KCNQ2: variants seen among roughly 807,000 people sequenced by gnomAD.
KCNQ2 encodes the protein potassium voltage-gated channel subfamily Q member 2.
In KCNQ2, 14 loss-of-function variants were observed where a neutral mutation model predicts 84.8. The observed-to-expected ratio is 0.17, with a 90% CI of 0.11 to 0.26. The LOEUF (loss-of-function observed/expected upper bound fraction) is 0.26, where lower values mean the gene tolerates loss of function less well. KCNQ2 is among the 10% of genes least tolerant of loss of function. The probability of loss-of-function intolerance (pLI) is 1.00; values close to 1 mark genes in which losing one functional copy is unlikely to be tolerated. For missense variants in KCNQ2, 788 were observed against 1,254.0 expected (o/e 0.63, Z 5.61); for synonymous variants, 599 against 554.1 (o/e 1.08, Z -1.14).
Position 63,413,715 on chromosome 20 carries a change from A to G in KCNQ2, c.1632-134T>C. 3.0e-6 allele frequency: 3 copies of G among 1,013,030 alleles called. No homozygotes were observed. The South Asian group carries it at 4.2e-5, about 14-fold the overall frequency. 62.8% of individuals were successfully genotyped at this position (1,013,030 alleles called of 1,614,324 possible). ...TTGCCCCTCTTGTCTGCCGCCCACCAGCTCCACACACAGAAGGGCCTTTAT... is the reference window on the plus strand; with the variant it reads ...TTGCCCCTCTTGTCTGCCGCCCACCGGCTCCACACACAGAAGGGCCTTTAT... On this transcript the variant is annotated intron_variant, in intron 14 of 16. Transcript: ENST00000359125.
At chr20:63,432,706 AAGGCCCCACCCT>A (rs1163416083) in intron 8 of KCNQ2, among the ~76,000 whole-genome samples, 2 of 147,122 alleles carry the variant, frequency 1.4e-5, no homozygotes, top group East Asian at 2.0e-4. Flanking sequence ...ACCCTCTGGG[AAGGCCCCACCCT>A]CAGGGAAGGC....
intron 1 of KCNQ2, among the ~76,000 whole-genome samples, chr20:63,447,687 C>T (rs1006083101): frequency 6.6e-6 from 1 of 152,198 alleles, no homozygotes; most frequent in East Asian, 1.9e-4. Context: ...CTCCGCCTCC[C>T]GGGTTCAAGC....
At chr20:63,412,908 G>A (rs3787132) in intron 15 of KCNQ2, among the ~76,000 whole-genome samples, 6,781 of 152,298 alleles carry the variant, frequency 0.045, 238 homozygotes, top group Admixed American at 0.11. Context: ...GTGTGGGCAC[G>A]TGTGTGGACT....
intron 7 of KCNQ2, among the ~76,000 whole-genome samples, chr20:63,437,732 T>G (rs1227894847): frequency 6.6e-6 from 1 of 152,256 alleles, no homozygotes; most frequent in Non-Finnish European, 1.5e-5. Flanking sequence ...TGGTCAGCTC[T>G]GCGGGTCCAG....
In KCNQ2 at chr20:63,408,349, C is replaced by T. The variant is rs1481465380; in HGVS notation, c.1887+64G>A. On this transcript the variant is annotated intron_variant, in intron 16 of 16. Transcript: ENST00000359125. This position sits in a 1 kb window ranked among gnomAD's most constrained non-coding sequence, Gnocchi z 5.0. ...ACCCAGCCCCTGAAGCCCACACTGC[C>T]ACAGGTTGACGGCAGGCACCACAGC... 5 of 1,591,820 alleles carry T rather than the reference C, an allele frequency of 3.1e-6. No homozygotes were observed. The highest frequency in any genetic ancestry group is 1.3e-5 in the African/African-American group (1 of 74,634).
intron 15 of KCNQ2, chr20:63,409,943 G>A (rs954241443): frequency 8.1e-6 from 2 of 247,338 alleles, no homozygotes; most frequent in Non-Finnish European, 1.6e-5. Context: ...GGGACTTCCT[G>A]CCACTGGGCT....
intron 4 of KCNQ2, chr20:63,443,481 CCACCACCATCACCAT>C (rs2081320142): frequency 3.7e-4 from 26 of 70,986 alleles, no homozygotes; most frequent in African/African-American, 1.4e-3. Context: ...ACCATCATCA[CCACCACCATCACCAT>C]CACCACCACC....
intron 4 of KCNQ2, among the ~76,000 whole-genome samples, chr20:63,442,933 C>G (rs1278281276): frequency 1.2e-5 from 1 of 82,884 alleles, no homozygotes; most frequent in African/African-American, 4.4e-5. Context: ...CCATCACCAT[C>G]ACCACCACCA....
intron 8 of KCNQ2, among the ~76,000 whole-genome samples, chr20:63,431,759 G>C (rs890687165): frequency 3.9e-5 from 6 of 152,180 alleles, no homozygotes; most frequent in Non-Finnish European, 7.4e-5. Context: ...ACTGCCGCGG[G>C]TCTGTCCACC....
chr20:63,413,651 T>C, intron 14 of KCNQ2, 70 bp from the exon 15 acceptor site: 1 of 1,584,010 alleles, frequency 6.3e-7, no homozygotes, highest in Non-Finnish European at 8.7e-7. Flanking sequence ...AGGACCTTCC[T>C]AGCACCTCTG....
At chr20:63,443,081 C>T (rs1449688036) in intron 4 of KCNQ2, among the ~76,000 whole-genome samples, 6 of 64,206 alleles carry the variant, frequency 9.3e-5, no homozygotes, top group African/African-American at 3.2e-4. Flanking sequence ...ATCACCACCA[C>T]CACCATTATC....
intron 4 of KCNQ2, among the ~76,000 whole-genome samples, chr20:63,443,087 TTATCAC>T (rs2081273674): frequency 1.3e-4 from 2 of 15,436 alleles, no homozygotes; most frequent in Non-Finnish European, 2.5e-4. Flanking sequence ...ACCACCACCA[TTATCAC>T]CACCATCACC....
chr20:63,452,382 T>A (rs148624011), intron 1 of KCNQ2, among the ~76,000 whole-genome samples: 1 of 152,210 alleles, frequency 6.6e-6, no homozygotes, highest in Non-Finnish European at 1.5e-5. Context: ...AAATCCTTTT[T>A]CTTCCGGAAA....
At position 63,406,963 on chromosome 20, in the gene KCNQ2, C is replaced by G; in HGVS notation, c.2300G>C (p.Arg767Pro). 6.4e-7 allele frequency: 1 copy of G among 1,560,374 alleles called. No individual in the cohort carries two copies. Among genetic ancestry groups the G allele is most frequent in the Non-Finnish European group, 8.6e-7 (1 of 1,156,936 alleles). The change falls in exon 17 of 17, where the codon CGG (arginine) becomes CCG (proline). Residue 767 changes from arginine (R) to proline (P), a missense_variant. Transcript: ENST00000359125. The part of the protein sequence containing the change: ...GGNRASMEFL[R>P]QEDTPGCRPP... ...CCTGCAGCCCGGGGTGTCCTCCTGCCGCAGGAACTCCATGCTGGCGCGGTT... is the reference window on the plus strand; with the variant it reads ...CCTGCAGCCCGGGGTGTCCTCCTGCGGCAGGAACTCCATGCTGGCGCGGTT...
intron 1 of KCNQ2, among the ~76,000 whole-genome samples, chr20:63,470,489 G>A (rs7268930): frequency 0.011 from 1,640 of 152,338 alleles, 22 homozygotes; most frequent in African/African-American, 0.038. Context: ...GAGACAGGAA[G>A]GAGAGACAGA....
Position 63,425,864 on chromosome 20 carries a change from A to T in KCNQ2, c.1218-1658T>A, listed in dbSNP as rs947680289. The stretch of plus-strand genomic sequence containing the variant: ...AAGTCCTCCATGCATGGGCTTGTGA[A>T]CTAGAAAACAAGCCATCTGCTTAAA... On this transcript the variant is annotated intron_variant, in intron 10 of 16. Coordinates refer to ENST00000359125, the MANE Select transcript of KCNQ2 (RefSeq NM_172107.4). The surrounding 1 kb of genome is among the most constrained non-coding windows in gnomAD (Gnocchi z 5.5). Among the ~76,000 whole-genome samples, 2 of 152,196 alleles carry T rather than the reference A, an allele frequency of 1.3e-5. No homozygotes were observed. The highest frequency in any genetic ancestry group is 3.8e-4 in the East Asian group (2 of 5,198).
At chr20:63,423,922 C>A (rs975625641) in intron 11 of KCNQ2, 2 of 536,434 alleles carry the variant, frequency 3.7e-6, no homozygotes, top group Non-Finnish European at 6.8e-6. Flanking sequence ...CCCCCACCCC[C>A]GAGAAGCCGC....
intron 1 of KCNQ2, among the ~76,000 whole-genome samples, chr20:63,464,715 C>G (rs1487311849): frequency 6.6e-6 from 1 of 152,226 alleles, no homozygotes; most frequent in African/African-American, 2.4e-5. Context: ...TCCCAGAATC[C>G]AGCCACTCAG....
Position 63,407,852 on chromosome 20 carries a change from G to T in KCNQ2, c.1888-477C>A. 1 of 203,316 alleles carries T rather than the reference G, an allele frequency of 4.9e-6. No homozygotes were observed. The highest frequency in any genetic ancestry group is 8.8e-5 in the South Asian group (1 of 11,390). 12.6% of individuals were successfully genotyped at this position (203,316 alleles called of 1,614,324 possible). The stretch of plus-strand genomic sequence containing the variant: ...GCTCTTCCTCCTTCCCAGACCCCTA[G>T]GGGCAAAGCCTCCAGCTCCACGGTT... On this transcript the variant is annotated intron_variant, in intron 16 of 16. Transcript: ENST00000359125. This position sits in a 1 kb window ranked among gnomAD's most constrained non-coding sequence, Gnocchi z 7.2.
Sources: gnomAD v4.1 joint callset for allele counts (sites outside exome capture counted in the v4.1 genomes callset) on GRCh38, gnomAD v4.1.1 for gene constraint, Gnocchi (gnomAD v3.1) non-coding constraint, MANE v1.5 for transcripts, NCBI Gene and HGNC (gene_info 2026-07-23, HGNC 2026-07-21) for gene names.